The following DNAJC1 variants were observed in gnomAD, a reference collection of about 807,000 sequenced individuals.
DNAJC1 encodes the protein DnaJ heat shock protein family (Hsp40) member C1, also known as dnaJ homolog subfamily C member 1.
DNAJC1 carries 58 observed loss-of-function variants against 76.6 expected under a neutral mutation model. The ratio of observed to expected loss-of-function variants is 0.76; its 90% CI spans 0.61 to 0.94. The LOEUF (loss-of-function observed/expected upper bound fraction) is 0.94. DNAJC1 is among the 40% of genes least tolerant of loss of function. DNAJC1 has a pLI of 0.00. For missense variants in DNAJC1, 689 were observed against 677.3 expected, an observed-to-expected ratio of 1.02 and a Z score of -0.19; for synonymous variants, 258 against 267.9, an observed-to-expected ratio of 0.96 and a Z score of 0.36.
intron 1 of DNAJC1, among the ~76,000 whole-genome samples, chr10:21,998,345 G>C (rs1316387384): frequency 7.0e-6 from 1 of 142,166 alleles, no homozygotes; most frequent in Admixed American, 7.5e-5. Context: ...AGCCAAGATC[G>C]CGCCACTGCA....
chr10:21,988,990 T>C (rs184554589), intron 1 of DNAJC1, among the ~76,000 whole-genome samples: 2 of 152,310 alleles, frequency 1.3e-5, no homozygotes, highest in Admixed American at 6.5e-5. Context: ...GACTTATTTA[T>C]CACTATATTC....
chr10:21,824,313 A>T (rs1231497484), intron 8 of DNAJC1, among the ~76,000 whole-genome samples: 2 of 152,210 alleles, frequency 1.3e-5, no homozygotes, highest in Non-Finnish European at 2.9e-5. Flanking sequence ...TATCTGAGAG[A>T]GGGATTTCAG....
At chr10:22,000,397 T>C (rs1838500042) in intron 1 of DNAJC1, among the ~76,000 whole-genome samples, 1 of 152,202 alleles carries the variant, frequency 6.6e-6, no homozygotes. Context: ...CCGAAGTCCT[T>C]ACAATGGCCT....
intron 6 of DNAJC1, among the ~76,000 whole-genome samples, chr10:21,916,381 C>T (rs552165225): frequency 1.4e-3 from 217 of 152,014 alleles, no homozygotes; most frequent in Admixed American, 2.3e-3. Flanking sequence ...CCCAGCTACT[C>T]GGGAGGCTGA....
chr10:21,865,550 G>A (rs1402877444), intron 8 of DNAJC1: 1 of 152,078 alleles, frequency 6.6e-6, no homozygotes, highest in Non-Finnish European at 1.5e-5. Flanking sequence ...ATCACTGGTT[G>A]CCTGAAGATA....
chr10:21,980,243 T>C (rs1214380017), intron 1 of DNAJC1, among the ~76,000 whole-genome samples: 1 of 152,062 alleles, frequency 6.6e-6, no homozygotes, highest in African/African-American at 2.4e-5. Flanking sequence ...TAAGAAGTAA[T>C]TTCCTACAAA....
chr10:21,982,605 A>T (rs140278173), intron 1 of DNAJC1, among the ~76,000 whole-genome samples: 5 of 152,164 alleles, frequency 3.3e-5, no homozygotes, highest in Non-Finnish European at 5.9e-5. Context: ...TCACCAAAGA[A>T]GACAAATGAC....
At chr10:21,936,021 A>T (rs1837306188) in intron 1 of DNAJC1, among the ~76,000 whole-genome samples, 1 of 152,198 alleles carries the variant, frequency 6.6e-6, no homozygotes, top group Admixed American at 6.5e-5. Flanking sequence ...AATAAAAAAC[A>T]CTGGTAAAGA....
intron 8 of DNAJC1, among the ~76,000 whole-genome samples, chr10:21,874,898 T>C (rs1836159686): frequency 6.6e-6 from 1 of 152,168 alleles, no homozygotes; most frequent in South Asian, 2.1e-4. Context: ...TGTGTGTGTG[T>C]GTGATGGAGT....
At chr10:21,992,075 C>T (rs150208401) in intron 1 of DNAJC1, among the ~76,000 whole-genome samples, 2 of 152,300 alleles carry the variant, frequency 1.3e-5, no homozygotes, top group African/African-American at 4.8e-5. Context: ...CTCTGGGAGG[C>T]CAAGGTTGGC....
chr10:21,837,776 A>T (rs1445743003), intron 8 of DNAJC1, among the ~76,000 whole-genome samples: 1 of 131,530 alleles, frequency 7.6e-6, no homozygotes, highest in Admixed American at 7.8e-5. Flanking sequence ...TCCAGGAGGG[A>T]GGTAGGGGGC....
chr10:21,839,103 G>C (rs371280169), intron 8 of DNAJC1, among the ~76,000 whole-genome samples: 1 of 152,224 alleles, frequency 6.6e-6, no homozygotes, highest in African/African-American at 2.4e-5. Flanking sequence ...TCAAAGCAGT[G>C]TGTAGAGGGA....
intron 9 of DNAJC1, among the ~76,000 whole-genome samples, chr10:21,767,453 T>G (rs779301262): frequency 6.6e-6 from 1 of 152,236 alleles, no homozygotes; most frequent in Non-Finnish European, 1.5e-5. Context: ...TGTTTGTTTG[T>G]TTTTAAAGAT....
intron 8 of DNAJC1, among the ~76,000 whole-genome samples, chr10:21,817,801 A>G (rs1014264660): frequency 6.6e-6 from 1 of 152,166 alleles, no homozygotes; most frequent in Non-Finnish European, 1.5e-5. Flanking sequence ...CTTTACGGCA[A>G]TCTCTGAACA....
chr10:21,921,046 A>C (rs1008300896), intron 3 of DNAJC1, 83 bp from the exon 4 acceptor site: 20 of 1,257,842 alleles, frequency 1.6e-5, no homozygotes, highest in Non-Finnish European at 2.1e-5. Flanking sequence ...TACAAAAAGG[A>C]AAAAGAAAAC....
At chr10:21,900,618 G>C (rs968019044) in intron 7 of DNAJC1, among the ~76,000 whole-genome samples, 1 of 152,076 alleles carries the variant, frequency 6.6e-6, no homozygotes, top group African/African-American at 2.4e-5. Context: ...AAGTACCTAG[G>C]ATAAAATACT....
intron 8 of DNAJC1, among the ~76,000 whole-genome samples, chr10:21,839,654 C>A (rs934616690): frequency 2.0e-5 from 3 of 152,132 alleles, no homozygotes; most frequent in African/African-American, 7.2e-5. Flanking sequence ...GGATTCACAG[C>A]CGAATTCTAC....
At chr10:21,863,376 A>G (rs1835947690) in intron 8 of DNAJC1, among the ~76,000 whole-genome samples, 1 of 152,124 alleles carries the variant, frequency 6.6e-6, no homozygotes, top group Admixed American at 6.5e-5. Context: ...AATTCATGCC[A>G]GCACACTCAA....
chr10:21,997,551 C>G (rs1277953282), intron 1 of DNAJC1, among the ~76,000 whole-genome samples: 2 of 152,146 alleles, frequency 1.3e-5, no homozygotes, highest in Non-Finnish European at 2.9e-5. Context: ...CAATCACCCT[C>G]CAGTAAGGTA....
Sources: allele counts gnomAD v4.1 joint callset (sites outside exome capture counted in the v4.1 genomes callset), GRCh38; gene constraint gnomAD v4.1.1; transcripts MANE v1.5; gene names NCBI Gene and HGNC (gene_info 2026-07-23, HGNC 2026-07-21).